PCGF5: variants seen among roughly 807,000 people sequenced by gnomAD.
PCGF5 encodes the protein polycomb group RING finger protein 5.
In PCGF5, 9 loss-of-function variants were observed where a neutral mutation model predicts 44.3. That is an observed-to-expected ratio of 0.20 (90% CI 0.12 to 0.35). The LOEUF (loss-of-function observed/expected upper bound fraction) is 0.35, where lower values mean the gene tolerates loss of function less well. PCGF5 is among the 10% of genes least tolerant of loss of function. The pLI is 1.00. For synonymous variants in PCGF5, 95 were observed against 102.5 expected (o/e 0.93, Z 0.44); for missense variants, 146 against 305.3 (o/e 0.48, Z 3.89).
At chr10:91,257,806 A>G (rs921228791) in intron 6 of PCGF5, among the ~76,000 whole-genome samples, 1 of 152,130 alleles carries the variant, frequency 6.6e-6, no homozygotes, top group Non-Finnish European at 1.5e-5. Context: ...ATAAGGAGGG[A>G]CTACTGTATA....
chr10:91,189,447 A>G (rs1843991609), intron 1 of PCGF5, among the ~76,000 whole-genome samples: 1 of 151,416 alleles, frequency 6.6e-6, no homozygotes, highest in Admixed American at 6.6e-5. Context: ...ATAAATGAAT[A>G]TAAGATTTCT....
chr10:91,178,341 T>C (rs1428579975), intron 1 of PCGF5, among the ~76,000 whole-genome samples: 1 of 151,888 alleles, frequency 6.6e-6, no homozygotes, highest in Non-Finnish European at 1.5e-5. Flanking sequence ...CCTTTGGGAG[T>C]GACTGGAGAG....
rs1844081998 is a variant in PCGF5, at chr10:91,193,994, A to G, written c.-183-28695A>G. ...GATGATTCCTTGGGTTCAGGCCTGA[A>G]TAGCTAGAAAAATGGAGTTGTTATC... On this transcript the variant is annotated intron_variant, in intron 1 of 9. Transcript: ENST00000614189. Among the ~76,000 whole-genome samples, 4 of 152,310 alleles carry G rather than the reference A, an allele frequency of 2.6e-5. No individual in the cohort carries two copies. In the South Asian group the frequency reaches 6.2e-4, roughly 24 times the overall value.
intron 2 of PCGF5, among the ~76,000 whole-genome samples, chr10:91,239,968 C>T (rs1224253465): frequency 6.6e-6 from 1 of 152,174 alleles, no homozygotes. Flanking sequence ...TGAGCAGAAA[C>T]TCATTACACC....
chr10:91,174,725 C>T (rs73325272), intron 1 of PCGF5, among the ~76,000 whole-genome samples: 6,187 of 152,122 alleles, frequency 0.041, 403 homozygotes, highest in African/African-American at 0.14. Context: ...CTGTAAAATA[C>T]AGAAAAATTA....
intron 3 of PCGF5, among the ~76,000 whole-genome samples, chr10:91,245,929 T>G (rs1845450454): frequency 6.6e-6 from 1 of 152,110 alleles, no homozygotes; most frequent in Non-Finnish European, 1.5e-5. Flanking sequence ...CTTAAAGGCA[T>G]GTTTGTGTTG....
intron 1 of PCGF5, among the ~76,000 whole-genome samples, chr10:91,200,443 C>T (rs924184909): frequency 9.9e-5 from 15 of 152,064 alleles, no homozygotes; most frequent in Non-Finnish European, 1.6e-4. Flanking sequence ...CTGGGAAGTG[C>T]GCATATATGT....
chr10:91,161,317 A>T (rs1451609976), upstream of PCGF5, among the ~76,000 whole-genome samples: 4 of 152,230 alleles, frequency 2.6e-5, no homozygotes. Flanking sequence ...GGGAAAGAAT[A>T]CTTTCGCTGG....
At chr10:91,246,003 G>A (rs1248086319) in intron 3 of PCGF5, among the ~76,000 whole-genome samples, 1 of 152,124 alleles carries the variant, frequency 6.6e-6, no homozygotes, top group African/African-American at 2.4e-5. Context: ...GTGCAGAGTT[G>A]ATGGAAAGTT....
At chr10:91,229,079 A>G (rs1312797333) in intron 2 of PCGF5, among the ~76,000 whole-genome samples, 2 of 152,200 alleles carry the variant, frequency 1.3e-5, no homozygotes, top group Non-Finnish European at 2.9e-5. Context: ...GTTTTATTGA[A>G]TGTTTGTTAT....
rs182819130 is a variant in PCGF5, at chr10:91,174,972, A to G, written c.-184+11891A>G. Among the ~76,000 whole-genome samples, 5 of 152,370 alleles carry G rather than the reference A, an allele frequency of 3.3e-5. No individual in the cohort carries two copies. The East Asian group carries it at 5.8e-4, about 18-fold the overall frequency. ...ATAGACCTGTGGCAACTGCCTTAGT[A>G]TAACAGAGGAAGTTGATACCTAAGT... On this transcript the variant is annotated intron_variant, in intron 1 of 9. Coordinates refer to the PCGF5 transcript ENST00000614189.
chr10:91,166,062 C>T (rs1394150092), intron 1 of PCGF5, among the ~76,000 whole-genome samples: 1 of 152,142 alleles, frequency 6.6e-6, no homozygotes, highest in Non-Finnish European at 1.5e-5. Context: ...TTACTTGGCG[C>T]AGTTCATTCC....
At position 91,279,087 on chromosome 10, in the gene PCGF5, ATCT is replaced by A. The variant is rs1846385917; in HGVS notation, c.*776_*778del. 1 of 152,366 alleles carries A rather than the reference ATCT, an allele frequency of 6.6e-6. No homozygotes were observed. The highest frequency in any genetic ancestry group is 2.4e-5 in the African/African-American group (1 of 41,456). 9.4% of individuals were successfully genotyped at this position (152,366 alleles called of 1,614,324 possible). A position where few individuals can be genotyped will look rare whatever the true frequency, so the allele number is the denominator to read the frequency against. On this transcript the variant is annotated 3_prime_UTR_variant, in exon 10 of 10. Coordinates refer to ENST00000336126, the MANE Select transcript of PCGF5 (RefSeq NM_032373.5). ...TAAAAGTAATGTGTAAGTAAGGTTA[ATCT>A]TCTTTCATAATGCCTTATGACAAGC...
At chr10:91,157,490 G>A in the PCGF5 span, among the ~76,000 whole-genome samples, 1 of 152,152 alleles carries the variant, frequency 6.6e-6, no homozygotes, top group Non-Finnish European at 1.5e-5. Flanking sequence ...TCTGTAAGAG[G>A]AAGAATTTGG....
rs1846457924 is a variant in PCGF5, at chr10:91,281,690, A to G, written c.*3374A>G. On this transcript the variant is annotated 3_prime_UTR_variant, in exon 10 of 10. Coordinates refer to ENST00000336126, the MANE Select transcript of PCGF5 (RefSeq NM_032373.5). ...TTTTTAGATTGCAATTTAATTTTAT[A>G]TAGTTAGGCAATAACCTTGATTAAT... 1 of 152,620 alleles carries G rather than the reference A, an allele frequency of 6.6e-6. No homozygotes were observed. Among genetic ancestry groups the G allele is most frequent in the Non-Finnish European group, 1.5e-5 (1 of 68,022 alleles). 9.5% of individuals were successfully genotyped at this position (152,620 alleles called of 1,614,324 possible). A position where few individuals can be genotyped will look rare whatever the true frequency, so the allele number is the denominator to read the frequency against.
At chr10:91,164,208 A>G (rs967896873) in intron 1 of PCGF5, among the ~76,000 whole-genome samples, 6 of 152,152 alleles carry the variant, frequency 3.9e-5, no homozygotes, top group African/African-American at 1.4e-4. Context: ...ACTTAGTGCA[A>G]AAGGACAGCG....
At chr10:91,208,035 G>A (rs1023705136) in intron 1 of PCGF5, among the ~76,000 whole-genome samples, 5 of 152,076 alleles carry the variant, frequency 3.3e-5, no homozygotes, top group Admixed American at 2.6e-4. Context: ...GACTATCTCT[G>A]TCGAGAGACA....
intron 1 of PCGF5, among the ~76,000 whole-genome samples, chr10:91,191,829 C>T (rs1844039088): frequency 6.6e-6 from 1 of 152,170 alleles, no homozygotes; most frequent in African/African-American, 2.4e-5. Context: ...TGTGAGCATT[C>T]ATGTTGGATC....
chr10:91,275,020 G>T (rs1330048370), intron 9 of PCGF5, among the ~76,000 whole-genome samples: 1 of 152,074 alleles, frequency 6.6e-6, no homozygotes, highest in African/African-American at 2.4e-5. Context: ...TATAGTTGAA[G>T]AACTGATCTC....
Sources: gnomAD v4.1 joint callset for allele counts (sites outside exome capture counted in the v4.1 genomes callset) on GRCh38, gnomAD v4.1.1 for gene constraint, MANE v1.5 for transcripts, NCBI Gene and HGNC (gene_info 2026-07-23, HGNC 2026-07-21) for gene names.